The following PGCKA1 variants were observed in gnomAD, a reference collection of about 807,000 sequenced individuals.
PGCKA1 encodes PDCD10 and GCKIII kinases-associated protein 1.
At chr4:37,578,235 G>A in the PGCKA1 span, among the ~76,000 whole-genome samples, 1 of 152,142 alleles carries the variant, frequency 6.6e-6, no homozygotes, top group African/African-American at 2.4e-5. Context: ...CTCCAGTGTT[G>A]GGCGCATATA....
At chr4:37,590,032 G>T in the PGCKA1 span, 1 of 1,280,472 alleles carries the variant, frequency 7.8e-7, no homozygotes. Context: ...AGGGCCTGTG[G>T]TAAAAAGCAT....
At chr4:37,517,075 C>A in the PGCKA1 span, among the ~76,000 whole-genome samples, 2 of 151,860 alleles carry the variant, frequency 1.3e-5, no homozygotes, top group Admixed American at 6.6e-5. Context: ...CATGAAGAAA[C>A]CCTGTCTCTA....
the PGCKA1 span, among the ~76,000 whole-genome samples, chr4:37,460,080 T>C: frequency 1.4e-4 from 21 of 152,200 alleles, no homozygotes; most frequent in East Asian, 3.9e-3. Context: ...AGTGAGAACA[T>C]GTGGTGTTTG....
chr4:37,468,282 G>C, the PGCKA1 span, among the ~76,000 whole-genome samples: 1 of 152,184 alleles, frequency 6.6e-6, no homozygotes, highest in Non-Finnish European at 1.5e-5. Context: ...TATGGGCGTG[G>C]AGCAGTGTTT....
chr4:37,536,599 G>T, the PGCKA1 span, among the ~76,000 whole-genome samples: 1 of 152,132 alleles, frequency 6.6e-6, no homozygotes, highest in South Asian at 2.1e-4. Context: ...AGCATGCCTA[G>T]GTTTCTCATC....
chr4:37,588,965 G>A, the PGCKA1 span: 3 of 1,177,000 alleles, frequency 2.5e-6, no homozygotes, highest in Non-Finnish European at 3.8e-6. Flanking sequence ...CACTTTTAAA[G>A]ACCATGCGTG....
chr4:37,560,516 C>T, the PGCKA1 span, among the ~76,000 whole-genome samples: 1 of 152,212 alleles, frequency 6.6e-6, no homozygotes, highest in Admixed American at 6.5e-5. Context: ...TTTTTGGTGG[C>T]CAGCTGAGGC....
At chr4:37,543,664 T>C in the PGCKA1 span, among the ~76,000 whole-genome samples, 3 of 4,842 alleles carry the variant, frequency 6.2e-4, no homozygotes, top group African/African-American at 8.4e-4. Context: ...CCATCTCTAC[T>C]GAAAAAAAAA....
chr4:37,478,026 G>A, the PGCKA1 span, among the ~76,000 whole-genome samples: 10 of 151,952 alleles, frequency 6.6e-5, no homozygotes, highest in African/African-American at 2.2e-4. Context: ...TTACAAAATC[G>A]TCTCTAAATT....
chr4:37,561,045 A>G, the PGCKA1 span, among the ~76,000 whole-genome samples: 1 of 152,158 alleles, frequency 6.6e-6, no homozygotes, highest in South Asian at 2.1e-4. Flanking sequence ...GCAGCCCAGC[A>G]TGCACCTCCA....
chr4:37,480,350 G>T, the PGCKA1 span, among the ~76,000 whole-genome samples: 2 of 152,092 alleles, frequency 1.3e-5, no homozygotes, highest in Non-Finnish European at 2.9e-5. Flanking sequence ...AAAATTAGCC[G>T]GGTATGCTGG....
At chr4:37,536,155 C>T in the PGCKA1 span, among the ~76,000 whole-genome samples, 1 of 152,142 alleles carries the variant, frequency 6.6e-6, no homozygotes, top group African/African-American at 2.4e-5. Flanking sequence ...AGGGGATAGG[C>T]TCTGAGTAAG....
the PGCKA1 span, among the ~76,000 whole-genome samples, chr4:37,531,692 A>C: frequency 6.6e-6 from 1 of 151,602 alleles, no homozygotes; most frequent in African/African-American, 2.4e-5. Flanking sequence ...GGAGATCGAG[A>C]CCATCCTGGC....
At chr4:37,503,543 T>A in the PGCKA1 span, among the ~76,000 whole-genome samples, 75 of 152,316 alleles carry the variant, frequency 4.9e-4, no homozygotes, top group African/African-American at 1.8e-3. Flanking sequence ...TTCCAAACTG[T>A]TCCTTATAGT....
chr4:37,560,214 T>C, the PGCKA1 span, among the ~76,000 whole-genome samples: 1 of 152,300 alleles, frequency 6.6e-6, no homozygotes, highest in East Asian at 1.9e-4. Flanking sequence ...GGATGCCAGG[T>C]CACTGGTCTT....
the PGCKA1 span, among the ~76,000 whole-genome samples, chr4:37,585,388 G>A: frequency 2.0e-5 from 1 of 49,330 alleles, no homozygotes. Context: ...GTTGAGGGAG[G>A]GGAGGGGAGA....
At chr4:37,502,610 G>GAGGCA in the PGCKA1 span, among the ~76,000 whole-genome samples, 9 of 152,332 alleles carry the variant, frequency 5.9e-5, no homozygotes, top group East Asian at 1.7e-3. Context: ...GCCAGCAACA[G>GAGGCA]AGGCAGCACA....
the PGCKA1 span, among the ~76,000 whole-genome samples, chr4:37,580,610 A>T: frequency 6.6e-6 from 1 of 152,176 alleles, no homozygotes; most frequent in Admixed American, 6.5e-5. Flanking sequence ...CCCAAACAAA[A>T]GTTTCTCTCT....
the PGCKA1 span, among the ~76,000 whole-genome samples, chr4:37,487,775 T>C: frequency 6.6e-6 from 1 of 150,408 alleles, no homozygotes; most frequent in African/African-American, 2.4e-5. Flanking sequence ...TGATTACATA[T>C]ATACATATGT....
Sources: allele counts gnomAD v4.1 joint callset (sites outside exome capture counted in the v4.1 genomes callset), GRCh38; gene constraint gnomAD v4.1.1; transcripts MANE v1.5; gene names NCBI Gene and HGNC (gene_info 2026-07-23, HGNC 2026-07-21).